The following PCDHGA5 variants were observed in gnomAD, a reference collection of about 807,000 sequenced individuals.
The protein encoded by PCDHGA5 is protocadherin gamma subfamily A, 5.
Under a neutral mutation model 56.7 loss-of-function variants are expected in PCDHGA5, and 36 were observed. The observed-to-expected ratio is 0.64, with a 90% CI of 0.49 to 0.84. The LOEUF (loss-of-function observed/expected upper bound fraction) is 0.84. Ranked by LOEUF, PCDHGA5 falls within the 40% of genes least tolerant of loss-of-function variation. The probability of loss-of-function intolerance (pLI) is 0.00; values close to 1 mark genes in which losing one functional copy is unlikely to be tolerated. For synonymous variants in PCDHGA5, 563 were observed against 520.2 expected (o/e 1.08, Z -1.12); for missense variants, 1,305 against 1,201.5 (o/e 1.09, Z -1.27).
intron 1 of PCDHGA5, chr5:141,409,009 G>A (rs1189849996): frequency 6.2e-7 from 1 of 1,613,994 alleles, no homozygotes. Context: ...CCACTGACCA[G>A]GATGAGGGGG....
At chr5:141,418,000 G>T in intron 1 of PCDHGA5, 1 of 1,613,902 alleles carries the variant, frequency 6.2e-7, no homozygotes, top group Non-Finnish European at 8.5e-7. Context: ...GCTCGGTGGT[G>T]GGGAACCTCG....
Position 141,476,380 on chromosome 5 carries a change from G to C in PCDHGA5, c.2422-18427G>C. 1 of 1,614,154 alleles carries C rather than the reference G, an allele frequency of 6.2e-7. No homozygotes were observed. The highest frequency in any genetic ancestry group is 8.5e-7 in the Non-Finnish European group (1 of 1,180,042). On this transcript the variant is annotated intron_variant, in intron 1 of 3. Coordinates refer to ENST00000518069, the MANE Select transcript of PCDHGA5 (RefSeq NM_018918.3). The surrounding 1 kb of genome is among the most constrained non-coding windows in gnomAD (Gnocchi z 7.6). ...ACCGGGAGACCGGAGAGATGTTTGT[G>C]AACGACCGTCTGGATCGAGAGGAGC... is the stretch of plus-strand genomic sequence containing the variant.
At chr5:141,398,989 T>G (rs766277028) in intron 1 of PCDHGA5, 2 of 1,613,796 alleles carry the variant, frequency 1.2e-6, no homozygotes, top group Non-Finnish European at 1.7e-6. Flanking sequence ...CGGGCAAATC[T>G]TTAGTCTGAA....
At chr5:141,376,381 T>A in intron 1 of PCDHGA5, 2 of 1,613,972 alleles carry the variant, frequency 1.2e-6, no homozygotes, top group Non-Finnish European at 1.7e-6. Flanking sequence ...CGCGTAAGAG[T>A]CATCTGATTT....
chr5:141,476,714 C>T lies in PCDHGA5; in HGVS notation c.2422-18093C>T, dbSNP rs146188020. On this transcript the variant is annotated intron_variant, in intron 1 of 3. Transcript: ENST00000518069. The surrounding 1 kb of genome is among the most constrained non-coding windows in gnomAD (Gnocchi z 7.6). ...CAAGTACGCGGAGCTGGTGTTGGAG[C>T]GCGCCCTGGACCGAGAACGGGAGCC... The T allele has an allele frequency of 6.2e-7, 1 of 1,614,154 alleles. No individual in the cohort carries two copies. The highest frequency in any genetic ancestry group is 8.5e-7 in the Non-Finnish European group (1 of 1,180,032).
Position 141,486,656 on chromosome 5 carries a change from C to A in PCDHGA5, c.2422-8151C>A. 6.2e-7 allele frequency: 1 copy of A among 1,614,020 alleles called. No homozygotes were observed. Among genetic ancestry groups the A allele is most frequent in the Non-Finnish European group, 8.5e-7 (1 of 1,180,038 alleles). On this transcript the variant is annotated intron_variant, in intron 1 of 3. Transcript: ENST00000518069. This position sits in a 1 kb window ranked among gnomAD's most constrained non-coding sequence, Gnocchi z 5.0. ...GAATGCGCTTATCTCCTACTCACTCCTGGAGCCCAGGAATCGAGATGTATC... is the reference window on the plus strand; with the variant it reads ...GAATGCGCTTATCTCCTACTCACTCATGGAGCCCAGGAATCGAGATGTATC...
At chr5:141,422,926 GC>G in intron 1 of PCDHGA5, 1 of 1,614,230 alleles carries the variant, frequency 6.2e-7, no homozygotes, top group Non-Finnish European at 8.5e-7. Flanking sequence ...CCTGTACCCT[GC>G]CCTCCCCACA....
intron 1 of PCDHGA5, among the ~76,000 whole-genome samples, chr5:141,459,949 G>T (rs1284876601): frequency 2.0e-5 from 3 of 152,124 alleles, no homozygotes; most frequent in Non-Finnish European, 4.4e-5. Context: ...GTGATGGCAG[G>T]TGCCTGTAAT....
rs775775135 is a variant in PCDHGA5 at position 141,400,234 on chromosome 5, G to GTTGCCTTGCGCCTCC, written c.2421+33484_2421+33485insTGCCTTGCGCCTCCT. The GTTGCCTTGCGCCTCC allele has an allele frequency of 3.1e-6, 5 of 1,613,868 alleles. No homozygotes were observed. In the East Asian group the frequency reaches 1.1e-4, roughly 36 times the overall value. On this transcript the variant is annotated intron_variant, in intron 1 of 3. Transcript: ENST00000518069. ...GATCTCAGTGCTCTTCCTCCTGGCC[G>GTTGCCTTGCGCCTCC]TGATTCTGGCCGTTGCCTTGCGCCT...
At chr5:141,399,115 GA>G in intron 1 of PCDHGA5, 3 of 1,613,814 alleles carry the variant, frequency 1.9e-6, no homozygotes, top group Non-Finnish European at 2.5e-6. Context: ...ATGTACAGTT[GA>G]AATTAATATT....
At chr5:141,372,524 A>G (rs1768835682) in intron 1 of PCDHGA5, 2 of 1,613,968 alleles carry the variant, frequency 1.2e-6, no homozygotes, top group East Asian at 2.2e-5. Context: ...TGATTCTGGC[A>G]ATCTCCCTGC....
chr5:141,432,096 A>G lies in PCDHGA5; in HGVS notation c.2422-62711A>G, dbSNP rs763154183. On this transcript the variant is annotated intron_variant, in intron 1 of 3. Transcript: ENST00000518069. This position sits in a 1 kb window ranked among gnomAD's most constrained non-coding sequence, Gnocchi z 6.0. Reference sequence around the variant, plus strand: ...ATCTCGCTGAACGTGGCAGACACCAACGACAACCCGCCGGTCTTCCCTCAG... The same window carrying G: ...ATCTCGCTGAACGTGGCAGACACCAGCGACAACCCGCCGGTCTTCCCTCAG... The G allele has an allele frequency of 1.9e-6, 3 of 1,613,944 alleles. No homozygotes were observed. Among genetic ancestry groups the G allele is most frequent in the East Asian group, 2.2e-5 (1 of 44,870 alleles).
At position 141,511,146 on chromosome 5, in the gene PCDHGA5, G is replaced by T; in HGVS notation, c.2769G>T (p.Lys923Asn). 1 of 1,614,208 alleles carries T rather than the reference G, an allele frequency of 6.2e-7. No individual in the cohort carries two copies. Among genetic ancestry groups the T allele is most frequent in the Non-Finnish European group, 8.5e-7 (1 of 1,180,018 alleles). The change falls in exon 4 of 4, where the codon AAG becomes AAT. Residue 923 changes from lysine to asparagine, a missense_variant. Lys to Asn is a moderately conservative substitution (Grantham distance 94). Coordinates refer to ENST00000518069, the MANE Select transcript of PCDHGA5 (RefSeq NM_018918.3). Reference protein sequence around the residue: ...KAPAGGNGNKKKSGKKEKK With the variant: ...KAPAGGNGNKNKSGKKEKK The stretch of plus-strand genomic sequence containing the variant: ...CAGCAGGTGGCAATGGCAACAAGAA[G>T]AAGTCGGGCAAGAAGGAGAAGAAGT...
At chr5:141,382,318 T>A (rs1233432296) in intron 1 of PCDHGA5, among the ~76,000 whole-genome samples, 1 of 152,250 alleles carries the variant, frequency 6.6e-6, no homozygotes, top group African/African-American at 2.4e-5. Context: ...TACACTGATG[T>A]AAATATTTTC....
intron 1 of PCDHGA5, chr5:141,403,468 C>G: frequency 6.2e-7 from 1 of 1,614,054 alleles, no homozygotes; most frequent in Non-Finnish European, 8.5e-7. Flanking sequence ...GCTACCAGCT[C>G]AGCCCCAATC....
chr5:141,491,666 G>T lies in PCDHGA5; in HGVS notation c.2422-3141G>T, dbSNP rs373526771. Reference sequence around the variant, plus strand: ...CTGGCGCTGGAGCCTGACGCCATCCGGTCCCGCTCTAATACGCTGCGGGAG... The same window carrying T: ...CTGGCGCTGGAGCCTGACGCCATCCTGTCCCGCTCTAATACGCTGCGGGAG... On this transcript the variant is annotated intron_variant, in intron 1 of 3. Transcript: ENST00000518069. This position sits in a 1 kb window ranked among gnomAD's most constrained non-coding sequence, Gnocchi z 6.9. 1.2e-6 allele frequency: 2 copies of T among 1,613,732 alleles called. No homozygotes were observed. Among genetic ancestry groups the T allele is most frequent in the Non-Finnish European group, 1.7e-6 (2 of 1,180,008 alleles).
chr5:141,444,363 G>A (rs1292799006), intron 1 of PCDHGA5, among the ~76,000 whole-genome samples: 1 of 151,772 alleles, frequency 6.6e-6, no homozygotes, highest in Non-Finnish European at 1.5e-5. Context: ...TAGAGACGGG[G>A]TTTCTCCATG....
intron 1 of PCDHGA5, among the ~76,000 whole-genome samples, chr5:141,473,706 G>C (rs1241009670): frequency 6.6e-6 from 1 of 152,186 alleles, no homozygotes; most frequent in African/African-American, 2.4e-5. Context: ...CCTCCAAGTG[G>C]TGCAATGGAA....
At chr5:141,396,934 G>A (rs1037377516) in intron 1 of PCDHGA5, among the ~76,000 whole-genome samples, 2 of 152,186 alleles carry the variant, frequency 1.3e-5, no homozygotes. Flanking sequence ...GATGAAAGTT[G>A]CCCTGGTAGG....
Sources: allele counts gnomAD v4.1 joint callset (sites outside exome capture counted in the v4.1 genomes callset), GRCh38; gene constraint gnomAD v4.1.1; non-coding constraint Gnocchi (gnomAD v3.1); transcripts MANE v1.5; gene names NCBI Gene and HGNC (gene_info 2026-07-23, HGNC 2026-07-21).